Variants in SNX2 observed in about 807,000 individuals in gnomAD.
SNX2 encodes the protein sorting nexin 2, also known as sorting nexin-2.
Under a neutral mutation model 69.9 loss-of-function variants are expected in SNX2, and 25 were observed. The observed-to-expected ratio is 0.36, with a 90% CI of 0.26 to 0.50. The LOEUF (loss-of-function observed/expected upper bound fraction) is 0.50, where lower values mean the gene tolerates loss of function less well. Among genes scored for constraint, SNX2 ranks in the 20% least tolerant of loss-of-function variants. The pLI, the probability that SNX2 is intolerant of heterozygous loss-of-function variation, is 0.97. For missense variants in SNX2, 551 were observed against 613.3 expected, an observed-to-expected ratio of 0.90 and a Z score of 1.07; for synonymous variants, 229 against 200.4, an observed-to-expected ratio of 1.14 and a Z score of -1.20.
At chr5:122,775,723 C>T in intron 1 of SNX2, 12 of 985,718 alleles carry the variant, frequency 1.2e-5, no homozygotes, top group Non-Finnish European at 1.4e-5. Context: ...ACTGCTGGTT[C>T]CTCTTGAGGG....
intron 1 of SNX2, among the ~76,000 whole-genome samples, chr5:122,789,940 A>G (rs541431169): frequency 7.2e-5 from 11 of 152,340 alleles, no homozygotes; most frequent in Admixed American, 5.2e-4. Flanking sequence ...TACCACTTGT[A>G]TGAGTTATCT....
At chr5:122,808,921 T>C (rs1245728762) in intron 7 of SNX2, among the ~76,000 whole-genome samples, 1 of 152,174 alleles carries the variant, frequency 6.6e-6, no homozygotes, top group African/African-American at 2.4e-5. Context: ...AAGTACAGTT[T>C]GTGCCCCCCT....
At position 122,818,830 on chromosome 5, in the gene SNX2, A is replaced by G; in HGVS notation, c.1019A>G (p.Asn340Ser). 6.2e-7 allele frequency: 1 copy of G among 1,613,066 alleles called. No individual in the cohort carries two copies. The highest frequency in any genetic ancestry group is 1.3e-5 in the African/African-American group (1 of 75,040). The change falls in exon 11 of 15, where the codon AAC becomes AGC. Residue 340 changes from asparagine to serine, a missense_variant. Physicochemically the swap from Asn to Ser is conservative, Grantham distance 46 (BLOSUM62 1). This residue lies in a region of SNX2 where 360 missense variants were observed against 450.4 expected (regional missense o/e 0.80). Transcript: ENST00000379516. Reference sequence around the variant, plus strand: ...TTTTAAATTTCAGAACTTTCAGCCAACACAGCTGCCTTTGCTAAAAGTGCT... The same window carrying G: ...TTTTAAATTTCAGAACTTTCAGCCAGCACAGCTGCCTTTGCTAAAAGTGCT... ...LVCHRKELSA[N>S]TAAFAKSAAM...
At chr5:122,801,794 G>C (rs2150008328) in intron 3 of SNX2, 75 bp from the exon 4 acceptor site, 15 of 895,522 alleles carry the variant, frequency 1.7e-5, no homozygotes, top group Middle Eastern at 3.1e-4. Context: ...ACAGAAAATA[G>C]ATGATAAAAA....
chr5:122,792,427 C>T (rs1352063256), intron 1 of SNX2, among the ~76,000 whole-genome samples: 1 of 152,110 alleles, frequency 6.6e-6, no homozygotes, highest in Non-Finnish European at 1.5e-5. Context: ...AACCCCTTCT[C>T]TACTAAAAAT....
intron 7 of SNX2, among the ~76,000 whole-genome samples, chr5:122,813,754 A>G (rs554126894): frequency 6.7e-6 from 1 of 149,362 alleles, no homozygotes; most frequent in East Asian, 2.0e-4. Flanking sequence ...GGTTTGAAAT[A>G]TTAGAATATT....
intron 7 of SNX2, among the ~76,000 whole-genome samples, chr5:122,811,769 G>T (rs539796514): frequency 6.6e-6 from 1 of 152,030 alleles, no homozygotes; most frequent in Non-Finnish European, 1.5e-5. Context: ...AGAGGTTGCA[G>T]TGAGCCAAGA....
At chr5:122,793,273 T>C (rs1753285982) in intron 1 of SNX2, among the ~76,000 whole-genome samples, 1 of 152,202 alleles carries the variant, frequency 6.6e-6, no homozygotes, top group Non-Finnish European at 1.5e-5. Context: ...CACAATGAAA[T>C]ATTATACACT....
intron 2 of SNX2, among the ~76,000 whole-genome samples, chr5:122,797,240 A>T (rs936531733): frequency 6.6e-6 from 1 of 152,202 alleles, no homozygotes; most frequent in Non-Finnish European, 1.5e-5. Context: ...AAAAATCTTC[A>T]TAGTGTTTTA....
intron 1 of SNX2, among the ~76,000 whole-genome samples, chr5:122,776,167 T>C (rs1039799521): frequency 3.3e-5 from 5 of 152,340 alleles, no homozygotes; most frequent in African/African-American, 9.6e-5. Context: ...TATACTTGCT[T>C]TTAAAGTATT....
intron 6 of SNX2, among the ~76,000 whole-genome samples, chr5:122,806,599 T>A (rs1404107983): frequency 1.3e-5 from 2 of 150,594 alleles, no homozygotes; most frequent in East Asian, 2.0e-4. Context: ...TTGTTTGGGG[T>A]TTTATTTATT....
chr5:122,821,988 G>GT (rs1754036660), intron 11 of SNX2, among the ~76,000 whole-genome samples: 1 of 152,118 alleles, frequency 6.6e-6, no homozygotes, highest in South Asian at 2.1e-4. Context: ...AAACCTACAT[G>GT]TTTCTTTTTA....
chr5:122,810,277 G>A (rs1753739752), intron 7 of SNX2, among the ~76,000 whole-genome samples: 1 of 149,734 alleles, frequency 6.7e-6, no homozygotes, highest in East Asian at 1.9e-4. Context: ...AAGGCCGCAG[G>A]GTCCTCTGCC....
intron 7 of SNX2, among the ~76,000 whole-genome samples, chr5:122,814,131 A>G (rs932995248): frequency 3.3e-5 from 5 of 152,310 alleles, no homozygotes; most frequent in African/African-American, 9.6e-5. Context: ...TTTTACAAGT[A>G]TCTGAGTGCC....
At chr5:122,812,473 C>T (rs1193450535) in intron 7 of SNX2, among the ~76,000 whole-genome samples, 3 of 152,172 alleles carry the variant, frequency 2.0e-5, no homozygotes, top group Non-Finnish European at 2.9e-5. Flanking sequence ...TGTTCAAGTT[C>T]GTATGTTCAA....
chr5:122,799,269 A>G (rs918932527), intron 2 of SNX2, among the ~76,000 whole-genome samples: 4 of 152,214 alleles, frequency 2.6e-5, no homozygotes, highest in African/African-American at 9.6e-5. Context: ...TTTTTAATCC[A>G]AGTTAAAATA....
rs1276457639 is a variant in SNX2, at chr5:122,785,031, A to G, written c.108+9820A>G. ...TTGTAGTACTTATCATCCTGTTAAC[A>G]TGTTTGTGGAGTCTGTGGATGGTAA... On this transcript the variant is annotated intron_variant, in intron 1 of 14. Transcript: ENST00000379516. Among the ~76,000 whole-genome samples the G allele has an allele frequency of 2.0e-5, 3 of 152,126 alleles. No homozygotes were observed. The East Asian group carries it at 5.8e-4, about 29-fold the overall frequency.
Position 122,793,569 on chromosome 5 carries a change from A to T in SNX2, c.109-1697A>T, listed in dbSNP as rs1389045646. Among the ~76,000 whole-genome samples, 3 of 152,152 alleles carry T rather than the reference A, an allele frequency of 2.0e-5. No individual in the cohort carries two copies. In the East Asian group the frequency reaches 5.8e-4, roughly 29 times the overall value. On this transcript the variant is annotated intron_variant, in intron 1 of 14. Transcript: ENST00000379516. ...GAAACTATCTAGCTGTACACTTTTG[A>T]TATATACAGTTTTTTTGTGTTATAC... is the stretch of plus-strand genomic sequence containing the variant.
intron 8 of SNX2, 133 bp downstream of exon 8, chr5:122,816,104 G>C: frequency 2.2e-6 from 1 of 449,920 alleles, no homozygotes; most frequent in Non-Finnish European, 3.9e-6. Context: ...GTTTTGCTTA[G>C]TGCTTTAATT....
Sources: allele counts gnomAD v4.1 joint callset (sites outside exome capture counted in the v4.1 genomes callset), GRCh38; gene constraint gnomAD v4.1.1; regional missense constraint gnomAD v4.1.1; transcripts MANE v1.5; gene names NCBI Gene and HGNC (gene_info 2026-07-23, HGNC 2026-07-21).